The following SLC2A1 variants were observed in gnomAD, a reference collection of about 807,000 sequenced individuals.
The protein encoded by SLC2A1 is solute carrier family 2, facilitated glucose transporter member 1.
In SLC2A1, 4 loss-of-function variants were observed where a neutral mutation model predicts 46.6. That is an observed-to-expected ratio of 0.09 (90% CI 0.04 to 0.20). The LOEUF is 0.20. Among genes scored for constraint, SLC2A1 ranks in the 10% least tolerant of loss-of-function variants. SLC2A1 has a pLI of 1.00. For synonymous variants in SLC2A1, 253 were observed against 270.0 expected, an observed-to-expected ratio of 0.94 and a Z score of 0.62; for missense variants, 352 against 667.0, an observed-to-expected ratio of 0.53 and a Z score of 5.20.
In SLC2A1 at chr1:42,929,093, C is replaced by T; in HGVS notation, c.973-60G>A. 1 of 1,576,322 alleles carries T rather than the reference C, an allele frequency of 6.3e-7. No individual in the cohort carries two copies. Among genetic ancestry groups the T allele is most frequent in the Admixed American group, 1.7e-5 (1 of 59,942 alleles). ...CTAGTGCCCTTCTGAACCCACCCAC[C>T]CAGAGGCCTTGCCTCAAGAGCTGAG... On this transcript the variant is annotated intron_variant, in intron 7 of 9. Coordinates refer to ENST00000426263, the MANE Select transcript of SLC2A1 (RefSeq NM_006516.4). This position sits in a 1 kb window ranked among gnomAD's most constrained non-coding sequence, Gnocchi z 6.0.
chr1:42,927,461 C>A lies in SLC2A1; in HGVS notation c.1278+144G>T. On this transcript the variant is annotated intron_variant, in intron 9 of 9. Transcript: ENST00000426263. The surrounding 1 kb of genome is among the most constrained non-coding windows in gnomAD (Gnocchi z 5.3). ...AAGGGGAGAACCCTGGAGTTGAGGT[C>A]AGCATTCTTGGTCATGTGACCTGGG... The A allele has an allele frequency of 1.1e-6, 1 of 887,542 alleles. No individual in the cohort carries two copies. The highest frequency in any genetic ancestry group is 1.8e-6 in the Non-Finnish European group (1 of 547,086). 55.0% of individuals were successfully genotyped at this position (887,542 alleles called of 1,614,324 possible). A position where few individuals can be genotyped will look rare whatever the true frequency, so the allele number is the denominator to read the frequency against.
intron 1 of SLC2A1, among the ~76,000 whole-genome samples, chr1:42,952,847 G>GCTAGCTGGC (rs1009969161): frequency 5.3e-5 from 8 of 152,166 alleles, no homozygotes; most frequent in African/African-American, 1.9e-4. Flanking sequence ...GGTGCTTATG[G>GCTAGCTGGC]CTAGCTGGCC....
At position 42,925,945 on chromosome 1, in the gene SLC2A1, G is replaced by A. The variant is rs1290256413; in HGVS notation, c.*1096C>T. The A allele has an allele frequency of 6.6e-6, 1 of 152,160 alleles. No homozygotes were observed. Among genetic ancestry groups the A allele is most frequent in the Non-Finnish European group, 1.5e-5 (1 of 68,024 alleles). The allele number at this position is 152,160 out of a possible 1,614,324, so 9.4% of individuals were successfully genotyped here. A position where few individuals can be genotyped will look rare whatever the true frequency, so the allele number is the denominator to read the frequency against. On this transcript the variant is annotated 3_prime_UTR_variant, in exon 10 of 10. Transcript: ENST00000426263. ...CAACTATCAAATATGTGATAGAAAT[G>A]CCTTGAATGTCAAGATAAAGAATGT...
chr1:42,956,407 C>CAAAAAAA (rs71577684), intron 1 of SLC2A1, among the ~76,000 whole-genome samples: 15 of 44,534 alleles, frequency 3.4e-4, no homozygotes, highest in African/African-American at 1.6e-3. Context: ...ACTAAAACTA[C>CAAAAAAA]AAAAAAAAAA....
In SLC2A1 at chr1:42,930,515, G is replaced by C. The variant is rs762812051; in HGVS notation, c.516+111C>G. The stretch of plus-strand genomic sequence containing the variant: ...GTGTACCATAGTTGTCCTCTGCAAG[G>C]CTGTGGGGGCTGGGCGGAAGAGAAA... On this transcript the variant is annotated intron_variant, in intron 4 of 9. Transcript: ENST00000426263. This position sits in a 1 kb window ranked among gnomAD's most constrained non-coding sequence, Gnocchi z 6.2. 6.9e-7 allele frequency: 1 copy of C among 1,445,014 alleles called. No homozygotes were observed. The highest frequency in any genetic ancestry group is 1.9e-5 in the Admixed American group (1 of 52,856). The allele number at this position is 1,445,014 out of a possible 1,614,324, so 89.5% of individuals were successfully genotyped here. A position where few individuals can be genotyped will look rare whatever the true frequency, so the allele number is the denominator to read the frequency against.
chr1:42,935,151 G>A (rs1005481384), intron 2 of SLC2A1, among the ~76,000 whole-genome samples: 1 of 152,180 alleles, frequency 6.6e-6, no homozygotes, highest in Admixed American at 6.5e-5. Flanking sequence ...GGCCAGCCTA[G>A]AGCTGAGGGG....
At chr1:42,933,610 G>A (rs1277959345) in intron 2 of SLC2A1, among the ~76,000 whole-genome samples, 2 of 152,154 alleles carry the variant, frequency 1.3e-5, no homozygotes, top group Non-Finnish European at 2.9e-5. Flanking sequence ...AATGCAAAGT[G>A]TTCTTCTGTG....
chr1:42,942,564 C>T (rs1221941048), intron 2 of SLC2A1, among the ~76,000 whole-genome samples: 2 of 151,340 alleles, frequency 1.3e-5, no homozygotes, highest in African/African-American at 4.9e-5. Flanking sequence ...AGACCTTCAC[C>T]CCCTGTGGCT....
intron 2 of SLC2A1, among the ~76,000 whole-genome samples, chr1:42,937,969 T>G (rs571932118): frequency 6.6e-6 from 1 of 152,344 alleles, no homozygotes; most frequent in East Asian, 1.9e-4. Context: ...GTTCCTCCTT[T>G]GTCAAACAAG....
chr1:42,943,164 GC>G, intron 2 of SLC2A1, 61 bp downstream of exon 2: 1 of 1,058,516 alleles, frequency 9.4e-7, no homozygotes, highest in Non-Finnish European at 1.5e-6. Context: ...GAGACTGTGG[GC>G]ATGTGTGATG....
At chr1:42,939,808 C>T (rs1023250366) in intron 2 of SLC2A1, among the ~76,000 whole-genome samples, 19 of 152,006 alleles carry the variant, frequency 1.2e-4, no homozygotes, top group African/African-American at 3.9e-4. Context: ...ATTAGCTGGG[C>T]GTGGTGGTAC....
chr1:42,931,541 C>T (rs1171935022), intron 2 of SLC2A1, among the ~76,000 whole-genome samples: 1 of 151,976 alleles, frequency 6.6e-6, no homozygotes, highest in African/African-American at 2.4e-5. Context: ...CAGAGAGGTA[C>T]AAGACCAGGT....
chr1:42,942,312 T>C (rs1643606149), intron 2 of SLC2A1, among the ~76,000 whole-genome samples: 1 of 152,082 alleles, frequency 6.6e-6, no homozygotes, highest in African/African-American at 2.4e-5. Flanking sequence ...AGTTTCCGGG[T>C]CTACAAAATG....
At chr1:42,928,859 G>A (rs2124447804) in intron 8 of SLC2A1, 73 bp downstream of exon 8, 1 of 1,352,320 alleles carries the variant, frequency 7.4e-7, no homozygotes. Context: ...CTGGGGCTGA[G>A]ACAGGCATTT....
intron 1 of SLC2A1, among the ~76,000 whole-genome samples, chr1:42,958,246 C>T (rs1286724795): frequency 6.6e-6 from 1 of 151,480 alleles, no homozygotes; most frequent in Non-Finnish European, 1.5e-5. Flanking sequence ...GCGCTCGGGC[C>T]CCCTCCCCCG....
At chr1:42,931,502 T>C (rs1339133703) in intron 2 of SLC2A1, among the ~76,000 whole-genome samples, 1 of 152,026 alleles carries the variant, frequency 6.6e-6, no homozygotes, top group Admixed American at 6.6e-5. Flanking sequence ...TGATGGCAAG[T>C]GATCAGTGGT....
intron 1 of SLC2A1, among the ~76,000 whole-genome samples, chr1:42,956,842 A>C (rs568228832): frequency 1.3e-5 from 2 of 152,320 alleles, no homozygotes; most frequent in African/African-American, 4.8e-5. Context: ...AATGAAATTA[A>C]ATCTGATGGG....
chr1:42,933,317 TC>T (rs1390138567), intron 2 of SLC2A1, among the ~76,000 whole-genome samples: 1 of 151,998 alleles, frequency 6.6e-6, no homozygotes, highest in Non-Finnish European at 1.5e-5. Context: ...ACACACCATC[TC>T]CCACCCCTCT....
At chr1:42,941,954 A>C (rs1643602835) in intron 2 of SLC2A1, among the ~76,000 whole-genome samples, 1 of 152,222 alleles carries the variant, frequency 6.6e-6, no homozygotes, top group African/African-American at 2.4e-5. Context: ...CTTCCTGGTG[A>C]CTTGCTCCTC....
Sources: gnomAD v4.1 joint callset for allele counts (sites outside exome capture counted in the v4.1 genomes callset) on GRCh38, gnomAD v4.1.1 for gene constraint, Gnocchi (gnomAD v3.1) non-coding constraint, MANE v1.5 for transcripts, NCBI Gene and HGNC (gene_info 2026-07-23, HGNC 2026-07-21) for gene names.